ESYT3: variants seen among roughly 807,000 people sequenced by gnomAD.
The protein encoded by ESYT3 is extended synaptotagmin 3.
Under a neutral mutation model 111.5 loss-of-function variants are expected in ESYT3, and 101 were observed. The ratio of observed to expected loss-of-function variants is 0.91; its 90% confidence interval spans 0.77 to 1.07. ESYT3 has a LOEUF of 1.07. ESYT3 is among the 50% of genes least tolerant of loss of function. The pLI, the probability that ESYT3 is intolerant of heterozygous loss-of-function variation, is 0.00. For synonymous variants in ESYT3, 416 were observed against 446.8 expected, an observed-to-expected ratio of 0.93 and a Z score of 0.87; for missense variants, 1,097 against 1,109.4, an observed-to-expected ratio of 0.99 and a Z score of 0.16.
chr3:138,459,513 C>T (rs934852275), intron 5 of ESYT3, among the ~76,000 whole-genome samples: 2 of 152,138 alleles, frequency 1.3e-5, no homozygotes, highest in African/African-American at 4.8e-5. Flanking sequence ...GGCTGCCTGG[C>T]GAGGAGAGAG....
downstream of ESYT3, chr3:138,480,235 A>G (rs554527966): frequency 6.4e-4 from 97 of 152,370 alleles, no homozygotes; most frequent in African/African-American, 2.2e-3. Context: ...AAAAGCAGTT[A>G]TATGCTGTTT....
At chr3:138,439,547 G>A (rs555188798) in intron 1 of ESYT3, among the ~76,000 whole-genome samples, 6 of 152,164 alleles carry the variant, frequency 3.9e-5, no homozygotes, top group African/African-American at 1.2e-4. Flanking sequence ...GGGCCCCTGC[G>A]TGGAGCTCTG....
At chr3:138,454,489 G>A (rs1399862161) in intron 2 of ESYT3, among the ~76,000 whole-genome samples, 1 of 151,284 alleles carries the variant, frequency 6.6e-6, no homozygotes, top group Admixed American at 6.6e-5. Flanking sequence ...ACCAGGAGGT[G>A]GAGGTTGCAG....
chr3:138,474,410 C>G, intron 20 of ESYT3, 58 bp downstream of exon 20: 1 of 1,522,426 alleles, frequency 6.6e-7, no homozygotes, highest in South Asian at 1.3e-5. Flanking sequence ...TTTCCAAGTA[C>G]CTGTTATGTT....
At chr3:138,473,291 C>G (rs2108630154) in intron 18 of ESYT3, 4 of 680,436 alleles carry the variant, frequency 5.9e-6, no homozygotes, top group Non-Finnish European at 6.6e-6. Flanking sequence ...ATCCAAGGTC[C>G]CAAAAGGAAT....
chr3:138,462,323 A>G (rs1355809324), intron 8 of ESYT3, 117 bp downstream of exon 8: 13 of 1,422,716 alleles, frequency 9.1e-6, no homozygotes, highest in East Asian at 2.4e-5. Context: ...AGTCCCAGAA[A>G]AATGGTACAA....
At chr3:138,453,707 C>T (rs534062583) in intron 2 of ESYT3, among the ~76,000 whole-genome samples, 135 of 152,320 alleles carry the variant, frequency 8.9e-4, no homozygotes, top group African/African-American at 3.0e-3. Context: ...CATGAACCAG[C>T]TAACACAGTG....
chr3:138,439,444 A>C (rs1054701896), intron 1 of ESYT3, among the ~76,000 whole-genome samples: 1 of 152,158 alleles, frequency 6.6e-6, no homozygotes, highest in Non-Finnish European at 1.5e-5. Context: ...CTGCCTTCTG[A>C]TCTTCAGAGC....
intron 5 of ESYT3, 44 bp downstream of exon 5, chr3:138,459,297 G>C: frequency 6.8e-7 from 1 of 1,474,346 alleles, no homozygotes; most frequent in Non-Finnish European, 9.1e-7. Context: ...AGCCCCCAGG[G>C]TGGGGATCAG....
rs1311010518 is a variant in ESYT3 at position 138,462,143 on chromosome 3, C to T, written c.852C>T (p.Asn284=). The change falls in exon 8 of 23, where the codon AAC becomes AAT. Residue 284 remains asparagine (N), a synonymous_variant. Transcript: ENST00000389567. ...TTGCCACCCACCTGGTGCTGCCCAA[C>T]CGTGTGACTGTGCCTGTGAAGAAGG... ...DLIATHLVLP[N]RVTVPVKKGL... is the part of the protein sequence containing the mutation. 3.1e-6 allele frequency: 5 copies of T among 1,614,104 alleles called. No individual in the cohort carries two copies. In the African/African-American group the frequency reaches 5.3e-5, roughly 17 times the overall value.
chr3:138,457,475 C>T (rs2032355246), intron 3 of ESYT3, 93 bp from the exon 4 acceptor site: 4 of 1,072,372 alleles, frequency 3.7e-6, no homozygotes, highest in South Asian at 1.2e-5. Context: ...TGGTCATGCT[C>T]GTTGCTGACA....
intron 2 of ESYT3, among the ~76,000 whole-genome samples, chr3:138,454,458 T>C (rs2032144506): frequency 6.6e-6 from 1 of 152,070 alleles, no homozygotes; most frequent in African/African-American, 2.4e-5. Flanking sequence ...CTTGGGAGGC[T>C]GAGGCAGGAC....
chr3:138,476,618 T>C (rs2033496666), intron 22 of ESYT3, 126 bp downstream of exon 22: 2 of 1,078,628 alleles, frequency 1.9e-6, no homozygotes, highest in South Asian at 1.4e-5. Flanking sequence ...TTTAAGGCTT[T>C]ACTGCCTGCA....
chr3:138,443,109 T>C (rs1186478831), intron 1 of ESYT3, among the ~76,000 whole-genome samples: 1 of 152,214 alleles, frequency 6.6e-6, no homozygotes, highest in Admixed American at 6.5e-5. Context: ...AGAGTGACAG[T>C]GTTCAGTGTC....
At chr3:138,441,958 C>T (rs1408492369) in intron 1 of ESYT3, among the ~76,000 whole-genome samples, 1 of 151,988 alleles carries the variant, frequency 6.6e-6, no homozygotes, top group Non-Finnish European at 1.5e-5. Flanking sequence ...AAGCCCTGTG[C>T]CAGTGTCATG....
At chr3:138,455,441 T>TGTAAGGTCCAGTG in intron 3 of ESYT3, 113 bp downstream of exon 3, 1 of 1,221,856 alleles carries the variant, frequency 8.2e-7, no homozygotes, top group Non-Finnish European at 1.1e-6. Context: ...GAGATCCCAC[T>TGTAAGGTCCAGTG]GGACCTTACA....
chr3:138,475,821 C>T (rs1033961438), intron 20 of ESYT3, among the ~76,000 whole-genome samples: 12 of 152,208 alleles, frequency 7.9e-5, no homozygotes, highest in East Asian at 5.8e-4. Flanking sequence ...CCCAGCTACT[C>T]GGGAGGCTGA....
chr3:138,444,795 T>C (rs1451314623), intron 1 of ESYT3, among the ~76,000 whole-genome samples: 1 of 152,222 alleles, frequency 6.6e-6, no homozygotes, highest in African/African-American at 2.4e-5. Flanking sequence ...ATTCCCTTTA[T>C]AAAGGAGTTG....
Position 138,455,323 on chromosome 3 carries a change from C to A in ESYT3, c.499C>A (p.Gln167Lys). 6.2e-7 allele frequency: 1 copy of A among 1,614,110 alleles called. No homozygotes were observed. Among genetic ancestry groups the A allele is most frequent in the African/African-American group, 1.3e-5 (1 of 75,042 alleles). Reference protein sequence around the residue: ...TFTFTKLYFGQKCPRVNGVKA... With the variant: ...TFTFTKLYFGKKCPRVNGVKA... ...TACCTTTACCAAGCTCTACTTTGGA[C>A]AGAAGGTGGGTGTGTCTCGGGAGGG... The change falls in exon 3 of 23, where the codon CAG (glutamine) becomes AAG (lysine). Residue 167 changes from glutamine (Q) to lysine (K), a missense_variant. Gln to Lys is a moderately conservative substitution (Grantham distance 53). Coordinates refer to ENST00000389567, the MANE Select transcript of ESYT3 (RefSeq NM_031913.5).
Sources: allele counts gnomAD v4.1 joint callset (sites outside exome capture counted in the v4.1 genomes callset), GRCh38; gene constraint gnomAD v4.1.1; transcripts MANE v1.5; gene names NCBI Gene and HGNC (gene_info 2026-07-23, HGNC 2026-07-21).